Variants in RASGRF2 observed in about 807,000 individuals in gnomAD.
RASGRF2 encodes Ras protein specific guanine nucleotide releasing factor 2.
RASGRF2 carries 76 observed loss-of-function variants against 151.0 expected under a neutral mutation model. That is an observed-to-expected ratio of 0.50 (90% CI 0.42 to 0.61). The LOEUF is 0.61. Among genes scored for constraint, RASGRF2 ranks in the 20% least tolerant of loss-of-function variants. RASGRF2 has a pLI of 0.00. For missense variants in RASGRF2, 1,148 were observed against 1,564.6 expected (o/e 0.73, Z 4.49); for synonymous variants, 504 against 566.5 (o/e 0.89, Z 1.57).
intron 5 of RASGRF2, among the ~76,000 whole-genome samples, chr5:81,076,571 C>T (rs1751944474): frequency 6.6e-6 from 1 of 150,900 alleles, no homozygotes; most frequent in Non-Finnish European, 1.5e-5. Flanking sequence ...GAGGCAAGGA[C>T]ATCCGCTGAT....
intron 17 of RASGRF2, among the ~76,000 whole-genome samples, chr5:81,174,367 G>T (rs1754725483): frequency 6.6e-6 from 1 of 152,226 alleles, no homozygotes; most frequent in Non-Finnish European, 1.5e-5. Context: ...GGAGGTGTCA[G>T]GTTGGAAGGC....
Position 81,226,549 on chromosome 5 carries a change from A to AT in RASGRF2, c.*779_*780insT, listed in dbSNP as rs1756004828. 1 of 152,182 alleles carries AT rather than the reference A, an allele frequency of 6.6e-6. No homozygotes were observed. The highest frequency in any genetic ancestry group is 1.5e-5 in the Non-Finnish European group (1 of 68,040). 9.4% of individuals were successfully genotyped at this position (152,182 alleles called of 1,614,324 possible). On this transcript the variant is annotated 3_prime_UTR_variant, in exon 27 of 27. Transcript: ENST00000265080. ...CAGCCCTTTTGGAGAGGCAGCTGCA[A>AT]AAAGGTGCACGCCCATCTCACCGAC...
intron 2 of RASGRF2, among the ~76,000 whole-genome samples, chr5:81,049,783 C>T (rs567914): frequency 0.37 from 56,457 of 151,972 alleles, 10,786 homozygotes; most frequent in Middle Eastern, 0.62. Context: ...GTCTAGTAAA[C>T]GATAGAGCTG....
chr5:81,178,519 G>A (rs906515770), intron 17 of RASGRF2, among the ~76,000 whole-genome samples: 11 of 152,204 alleles, frequency 7.2e-5, no homozygotes, highest in African/African-American at 2.7e-4. Context: ...GAGATCTGGA[G>A]ATATAAATAT....
intron 1 of RASGRF2, among the ~76,000 whole-genome samples, chr5:80,990,261 A>G (rs1748608970): frequency 6.7e-6 from 1 of 149,878 alleles, no homozygotes; most frequent in African/African-American, 2.5e-5. Flanking sequence ...CTGGAGCATC[A>G]TTGATTAAAC....
At chr5:80,991,690 T>C (rs1201708187) in intron 1 of RASGRF2, among the ~76,000 whole-genome samples, 1 of 152,256 alleles carries the variant, frequency 6.6e-6, no homozygotes. Context: ...TTCTGAACTA[T>C]TGAATGCATT....
chr5:81,089,136 G>T (rs897076679), intron 9 of RASGRF2, among the ~76,000 whole-genome samples: 1 of 152,136 alleles, frequency 6.6e-6, no homozygotes, highest in Non-Finnish European at 1.5e-5. Context: ...GCATTGTTTT[G>T]CTTTGGTTAC....
chr5:81,194,420 TG>T (rs1755216466), intron 18 of RASGRF2, among the ~76,000 whole-genome samples: 2 of 151,616 alleles, frequency 1.3e-5, no homozygotes, highest in African/African-American at 4.9e-5. Context: ...TTTAGGATTT[TG>T]TTTGTTTTTT....
chr5:81,148,708 G>T (rs1273137785), intron 17 of RASGRF2, among the ~76,000 whole-genome samples: 1 of 151,546 alleles, frequency 6.6e-6, no homozygotes, highest in Admixed American at 6.6e-5. Flanking sequence ...AGCATTAGGA[G>T]ATATACCTAA....
intron 5 of RASGRF2, among the ~76,000 whole-genome samples, chr5:81,077,374 T>C (rs1751970049): frequency 6.6e-6 from 1 of 152,120 alleles, no homozygotes; most frequent in African/African-American, 2.4e-5. Context: ...TTTGTGTGCA[T>C]ATTGGAATCC....
Position 81,228,693 on chromosome 5 carries a change from A to T in RASGRF2, c.*2923A>T, listed in dbSNP as rs1756050542. On this transcript the variant is annotated 3_prime_UTR_variant, in exon 27 of 27. Transcript: ENST00000265080. ...TTTTAGGGGATGCCTTTTCGTTATTAACTGAGACATCTAGTTTTGCTACAG... is the reference window on the plus strand; with the variant it reads ...TTTTAGGGGATGCCTTTTCGTTATTTACTGAGACATCTAGTTTTGCTACAG... The T allele has an allele frequency of 6.6e-6, 1 of 152,240 alleles. No homozygotes were observed. The highest frequency in any genetic ancestry group is 1.5e-5 in the Non-Finnish European group (1 of 68,040). The allele number at this position is 152,240 out of a possible 1,614,324, so 9.4% of individuals were successfully genotyped here. A position where few individuals can be genotyped will look rare whatever the true frequency, so the allele number is the denominator to read the frequency against.
chr5:81,026,694 C>T (rs1250399495), intron 1 of RASGRF2, among the ~76,000 whole-genome samples: 1 of 151,926 alleles, frequency 6.6e-6, no homozygotes, highest in Non-Finnish European at 1.5e-5. Flanking sequence ...GGTAAATTAA[C>T]TAAAAATTAT....
At chr5:81,188,754 G>A (rs950151912) in intron 18 of RASGRF2, among the ~76,000 whole-genome samples, 5 of 152,292 alleles carry the variant, frequency 3.3e-5, no homozygotes, top group East Asian at 1.9e-4. Context: ...GGAAATGGAA[G>A]CTCAGACTGA....
chr5:81,206,107 T>C (rs1755500210), intron 19 of RASGRF2, among the ~76,000 whole-genome samples: 1 of 152,240 alleles, frequency 6.6e-6, no homozygotes, highest in South Asian at 2.1e-4. Context: ...ACTCCAGTTT[T>C]CCTGGACTCT....
chr5:81,026,590 A>G (rs1750041014), intron 1 of RASGRF2, among the ~76,000 whole-genome samples: 1 of 152,194 alleles, frequency 6.6e-6, no homozygotes, highest in Non-Finnish European at 1.5e-5. Context: ...AGTGAATGGG[A>G]GAGAGAATGC....
intron 1 of RASGRF2, among the ~76,000 whole-genome samples, chr5:81,025,448 G>A (rs542908547): frequency 1.3e-5 from 2 of 152,314 alleles, no homozygotes; most frequent in South Asian, 2.1e-4. Context: ...CAGGGTGTGT[G>A]TGTTGGGGCA....
At position 81,012,977 on chromosome 5, in the gene RASGRF2, G is replaced by A. The variant is rs777523741; in HGVS notation, c.289-29900G>A. ...GGAATCAGGGGATTGGAAGGAAAGG[G>A]ACTCAAAGTTTGGAGACAACAGATT... On this transcript the variant is annotated intron_variant, in intron 1 of 26. Transcript: ENST00000265080. Among the ~76,000 whole-genome samples the A allele has an allele frequency of 8.0e-4, 122 of 152,292 alleles. No individual in the cohort carries two copies. The Middle Eastern group carries it at 0.017, about 21-fold the overall frequency.
At chr5:81,035,680 G>A (rs765555417) in intron 1 of RASGRF2, among the ~76,000 whole-genome samples, 29 of 152,092 alleles carry the variant, frequency 1.9e-4, no homozygotes, top group South Asian at 2.1e-4. Flanking sequence ...GCTGAATAGA[G>A]AATTGGTGAA....
chr5:80,995,399 T>TATATATATATAC (rs1165966102), intron 1 of RASGRF2, among the ~76,000 whole-genome samples: 3 of 119,802 alleles, frequency 2.5e-5, no homozygotes, highest in African/African-American at 9.8e-5. Flanking sequence ...TATATATATA[T>TATATATATATAC]ACACACACAC....
Sources: gnomAD v4.1 joint callset for allele counts (sites outside exome capture counted in the v4.1 genomes callset) on GRCh38, gnomAD v4.1.1 for gene constraint, MANE v1.5 for transcripts, NCBI Gene and HGNC (gene_info 2026-07-23, HGNC 2026-07-21) for gene names.